BBS9: variants seen among roughly 807,000 people sequenced by gnomAD.
BBS9 encodes protein PTHB1.
BBS9 carries 89 observed loss-of-function variants against 117.7 expected under a neutral mutation model. That is an observed-to-expected ratio of 0.76 (90% CI 0.64 to 0.90). The LOEUF (loss-of-function observed/expected upper bound fraction) is 0.90. Ranked by LOEUF, BBS9 falls within the 40% of genes least tolerant of loss-of-function variation. The pLI, the probability that BBS9 is intolerant of heterozygous loss-of-function variation, is 0.00. For synonymous variants in BBS9, 379 were observed against 370.9 expected (o/e 1.02, Z -0.25); for missense variants, 982 against 1,042.2 (o/e 0.94, Z 0.80).
intron 21 of BBS9, among the ~76,000 whole-genome samples, chr7:33,624,525 G>A (rs1017127193): frequency 1.3e-5 from 2 of 152,160 alleles, no homozygotes; most frequent in Non-Finnish European, 1.5e-5. Context: ...AACTTTCCAT[G>A]TGTTTTCTTT....
chr7:33,566,381 A>G (rs1029095023), intron 21 of BBS9, among the ~76,000 whole-genome samples: 2 of 151,982 alleles, frequency 1.3e-5, no homozygotes, highest in South Asian at 2.1e-4. Flanking sequence ...TCTATGATGT[A>G]TATGTATACA....
rs531512157 is a variant in BBS9, at chr7:33,214,383, C to T, written c.442+36792C>T. On this transcript the variant is annotated intron_variant, in intron 5 of 22. Coordinates refer to ENST00000242067, the MANE Select transcript of BBS9 (RefSeq NM_198428.3). ...CATCTGTGATTCAAGACTGTGTCTCCGACCCTCTTCAGTGACATGAAGTTA... is the reference window on the plus strand; with the variant it reads ...CATCTGTGATTCAAGACTGTGTCTCTGACCCTCTTCAGTGACATGAAGTTA... Among the ~76,000 whole-genome samples the T allele has an allele frequency of 1.9e-3, 287 of 152,292 alleles. 1 individual carries two copies. Among genetic ancestry groups the T allele is most frequent in the African/African-American group, 6.0e-3 (250 of 41,548 alleles).
At chr7:33,254,676 A>G (rs1490868617) in intron 5 of BBS9, among the ~76,000 whole-genome samples, 1 of 152,076 alleles carries the variant, frequency 6.6e-6, no homozygotes, top group Non-Finnish European at 1.5e-5. Context: ...CCCATCCCTG[A>G]CCCCTGGTAA....
chr7:33,300,380 T>C (rs1806138182), intron 9 of BBS9, among the ~76,000 whole-genome samples: 1 of 152,154 alleles, frequency 6.6e-6, no homozygotes, highest in Non-Finnish European at 1.5e-5. Context: ...AAACAGAAAA[T>C]ATCCAGTTCA....
At chr7:33,420,126 T>C (rs1832638906) in intron 19 of BBS9, among the ~76,000 whole-genome samples, 1 of 152,212 alleles carries the variant, frequency 6.6e-6, no homozygotes, top group African/African-American at 2.4e-5. Flanking sequence ...GACAATTTGT[T>C]GGTTTTGAAA....
intron 5 of BBS9, among the ~76,000 whole-genome samples, chr7:33,245,520 A>G (rs1795195871): frequency 6.6e-6 from 1 of 152,142 alleles, no homozygotes; most frequent in Non-Finnish European, 1.5e-5. Context: ...CTTTGATGCT[A>G]TTCATTCATT....
chr7:33,197,645 T>C (rs1785152257), intron 5 of BBS9, among the ~76,000 whole-genome samples: 2 of 152,032 alleles, frequency 1.3e-5, no homozygotes, highest in Non-Finnish European at 2.9e-5. Flanking sequence ...ATACTAGATA[T>C]ATAAAATTTA....
At chr7:33,343,542 AGGCTG>A (rs1358864870) in intron 11 of BBS9, among the ~76,000 whole-genome samples, 1 of 148,290 alleles carries the variant, frequency 6.7e-6, no homozygotes, top group African/African-American at 2.5e-5. Flanking sequence ...TCTTTCACCC[AGGCTG>A]GAGTGAAGTG....
At chr7:33,504,648 AC>A (rs1361045871) in intron 19 of BBS9, among the ~76,000 whole-genome samples, 1 of 152,148 alleles carries the variant, frequency 6.6e-6, no homozygotes. Context: ...TCAGTTCATT[AC>A]TTTTAATGAG....
chr7:33,585,695 A>G lies in BBS9; in HGVS notation c.2522-19170A>G, dbSNP rs190203941. 1.1e-4 allele frequency among the ~76,000 whole-genome samples: 17 copies of G among 152,270 alleles called. No individual in the cohort carries two copies. The East Asian group carries it at 3.3e-3, about 29-fold the overall frequency. On this transcript the variant is annotated intron_variant, in intron 21 of 22. Coordinates refer to ENST00000242067, the MANE Select transcript of BBS9 (RefSeq NM_198428.3). ...ATTATTATTCAATTATGATTAACAT[A>G]TTCTTATATAAAAATTGCATCCGGT...
At chr7:33,392,367 T>C (rs1827209099) in intron 19 of BBS9, among the ~76,000 whole-genome samples, 2 of 152,280 alleles carry the variant, frequency 1.3e-5, no homozygotes, top group South Asian at 4.1e-4. Flanking sequence ...ATAGCTAGGA[T>C]GTATTTACTC....
chr7:33,505,475 G>A lies in BBS9; in HGVS notation c.2128G>A (p.Ala710Thr). 1 of 1,614,130 alleles carries A rather than the reference G, an allele frequency of 6.2e-7. No individual in the cohort carries two copies. The highest frequency in any genetic ancestry group is 8.5e-7 in the Non-Finnish European group (1 of 1,179,956). Residue 710 changes from alanine to threonine, a missense_variant, in exon 20 of 23, where the codon GCA becomes ACA. Transcript: ENST00000242067. ...GTAATATCTGCAGGTAATTGCTCTA[G>A]CAGATGCAGTGGAGGAAAACCAAGG... ...DGTYKQVIAL[A>T]DAVEENQGNL...
chr7:33,405,623 T>C (rs1186902665), intron 19 of BBS9, among the ~76,000 whole-genome samples: 2 of 152,214 alleles, frequency 1.3e-5, no homozygotes, highest in South Asian at 2.1e-4. Flanking sequence ...TTTTCTAGTT[T>C]ATTTGCGTAG....
chr7:33,136,498 T>C (rs1420745086), intron 1 of BBS9, among the ~76,000 whole-genome samples: 2 of 152,214 alleles, frequency 1.3e-5, no homozygotes, highest in African/African-American at 4.8e-5. Flanking sequence ...GGATTTTGCA[T>C]AGATGTCTTT....
intron 19 of BBS9, among the ~76,000 whole-genome samples, chr7:33,476,464 T>C (rs765914419): frequency 6.6e-6 from 1 of 152,234 alleles, no homozygotes; most frequent in Non-Finnish European, 1.5e-5. Flanking sequence ...TGTTGCTCCA[T>C]TGCCCTGTCT....
In BBS9 at chr7:33,548,229, A is replaced by G. The variant is rs531549895; in HGVS notation, c.2521+14053A>G. On this transcript the variant is annotated intron_variant, in intron 21 of 22. Transcript: ENST00000242067. ...AATTTGGGGAAAAAATCTGTCTAAA[A>G]GTAGGGGGATAAATTAAATAGCTTT... 2.6e-3 allele frequency among the ~76,000 whole-genome samples: 391 copies of G among 152,290 alleles called. 3 individuals carry two copies. The highest frequency in any genetic ancestry group is 9.0e-3 in the African/African-American group (375 of 41,576).
intron 19 of BBS9, among the ~76,000 whole-genome samples, chr7:33,401,862 G>A (rs992800685): frequency 6.6e-6 from 1 of 152,186 alleles, no homozygotes; most frequent in Non-Finnish European, 1.5e-5. Context: ...GCTTTGCAGG[G>A]CTATTTCAAG....
chr7:33,612,620 G>A (rs2129215417), intron 21 of BBS9, among the ~76,000 whole-genome samples: 1 of 152,070 alleles, frequency 6.6e-6, no homozygotes, highest in Middle Eastern at 3.4e-3. Context: ...TCCCTACAGT[G>A]GCACTGGCTC....
intron 5 of BBS9, among the ~76,000 whole-genome samples, chr7:33,237,558 TGTG>T (rs1202561991): frequency 1.3e-5 from 2 of 148,326 alleles, no homozygotes; most frequent in African/African-American, 5.0e-5. Flanking sequence ...GTGTTGATCT[TGTG>T]GTGGAAAATA....
Sources: gnomAD v4.1 joint callset for allele counts (sites outside exome capture counted in the v4.1 genomes callset) on GRCh38, gnomAD v4.1.1 for gene constraint, MANE v1.5 for transcripts, NCBI Gene and HGNC (gene_info 2026-07-23, HGNC 2026-07-21) for gene names.